NRG3: variants seen among roughly 807,000 people sequenced by gnomAD.
The protein encoded by NRG3 is neuregulin 3.
In NRG3, 31 loss-of-function variants were observed where a neutral mutation model predicts 66.9. The observed-to-expected ratio is 0.46, with a 90% CI of 0.35 to 0.63. The LOEUF (loss-of-function observed/expected upper bound fraction) is 0.63. NRG3 is among the 20% of genes least tolerant of loss of function. NRG3 has a pLI of 0.00. For missense variants in NRG3, 910 were observed against 878.9 expected (o/e 1.04, Z -0.45); for synonymous variants, 393 against 359.4 (o/e 1.09, Z -1.06).
At chr10:82,685,144 C>A (rs1024612044) in intron 2 of NRG3, among the ~76,000 whole-genome samples, 15 of 152,124 alleles carry the variant, frequency 9.9e-5, no homozygotes, top group South Asian at 2.1e-4. Flanking sequence ...GAGGCCCCCC[C>A]CAAAACTTAA....
intron 2 of NRG3, among the ~76,000 whole-genome samples, chr10:82,555,803 C>T (rs1578211): frequency 0.13 from 19,642 of 152,208 alleles, 1,424 homozygotes; most frequent in Admixed American, 0.21. Flanking sequence ...ATTTTATAAA[C>T]GTAGTTTAGA....
chr10:82,911,384 C>T (rs922936644), intron 4 of NRG3, among the ~76,000 whole-genome samples: 1 of 152,004 alleles, frequency 6.6e-6, no homozygotes, highest in Admixed American at 6.6e-5. Context: ...CCCCAGGTAA[C>T]ATAGATTCTT....
At chr10:81,878,502 G>T (rs1841887332) in intron 1 of NRG3, among the ~76,000 whole-genome samples, 1 of 152,118 alleles carries the variant, frequency 6.6e-6, no homozygotes, top group South Asian at 2.1e-4. Flanking sequence ...CAAGATTGCA[G>T]GATGATTAAC....
intron 1 of NRG3, among the ~76,000 whole-genome samples, chr10:81,916,301 A>G (rs1270995743): frequency 1.3e-5 from 2 of 152,134 alleles, no homozygotes; most frequent in Non-Finnish European, 2.9e-5. Flanking sequence ...GGCATCTAAT[A>G]TTTGCAGTTT....
chr10:81,968,274 C>T (rs757136100), intron 1 of NRG3, among the ~76,000 whole-genome samples: 4 of 152,158 alleles, frequency 2.6e-5, no homozygotes, highest in Non-Finnish European at 5.9e-5. Flanking sequence ...GGATGACCAT[C>T]CTCTTTAGAC....
At chr10:82,882,764 C>A (rs1389057659) in intron 4 of NRG3, among the ~76,000 whole-genome samples, 1 of 152,090 alleles carries the variant, frequency 6.6e-6, no homozygotes, top group Non-Finnish European at 1.5e-5. Flanking sequence ...TTGTGTAGGA[C>A]TTCCATATGC....
At chr10:82,343,606 C>T (rs1479208287) in intron 1 of NRG3, among the ~76,000 whole-genome samples, 1 of 152,116 alleles carries the variant, frequency 6.6e-6, no homozygotes. Context: ...ACAACCAGAA[C>T]AAAGCTGGAG....
intron 7 of NRG3, among the ~76,000 whole-genome samples, chr10:82,978,685 A>G (rs778824441): frequency 1.7e-4 from 26 of 152,174 alleles, no homozygotes; most frequent in Non-Finnish European, 2.6e-4. Context: ...GAAAGTTGCA[A>G]TGATTTTCAT....
At chr10:82,638,061 A>T (rs759514962) in intron 2 of NRG3, among the ~76,000 whole-genome samples, 13 of 152,172 alleles carry the variant, frequency 8.5e-5, no homozygotes, top group Non-Finnish European at 1.8e-4. Flanking sequence ...GTAAGTTTAG[A>T]GTTAGTGACT....
intron 4 of NRG3, among the ~76,000 whole-genome samples, chr10:82,910,326 C>A (rs1845201832): frequency 6.6e-6 from 1 of 152,102 alleles, no homozygotes; most frequent in African/African-American, 2.4e-5. Flanking sequence ...GGTGTTATTG[C>A]CCCAGAAAGA....
intron 1 of NRG3, among the ~76,000 whole-genome samples, chr10:81,991,239 CATT>C (rs2060727265): frequency 1.3e-5 from 2 of 152,040 alleles, no homozygotes; most frequent in South Asian, 2.1e-4. Flanking sequence ...CAAATGGATG[CATT>C]ATTATATTTT....
chr10:81,929,498 T>C (rs2132967118), intron 1 of NRG3, among the ~76,000 whole-genome samples: 1 of 152,340 alleles, frequency 6.6e-6, no homozygotes, highest in Admixed American at 6.5e-5. Context: ...AGCTGGGCTA[T>C]GGAGCCCAGG....
At chr10:82,342,420 C>G (rs2082730596) in intron 1 of NRG3, among the ~76,000 whole-genome samples, 1 of 152,014 alleles carries the variant, frequency 6.6e-6, no homozygotes, top group South Asian at 2.1e-4. Flanking sequence ...TCCACATCCT[C>G]ACAATATCTG....
intron 1 of NRG3, among the ~76,000 whole-genome samples, chr10:81,979,435 A>G (rs1396944134): frequency 6.6e-6 from 1 of 152,202 alleles, no homozygotes; most frequent in Non-Finnish European, 1.5e-5. Flanking sequence ...GAACTGTTTC[A>G]AATGAAGAGA....
chr10:82,091,141 G>A (rs565833375), intron 1 of NRG3, among the ~76,000 whole-genome samples: 16 of 151,420 alleles, frequency 1.1e-4, no homozygotes, highest in Non-Finnish European at 2.2e-4. Flanking sequence ...TTTAAAAATT[G>A]TGATAAGATA....
At chr10:82,464,158 G>A (rs1055670243) in intron 2 of NRG3, among the ~76,000 whole-genome samples, 19 of 152,098 alleles carry the variant, frequency 1.2e-4, no homozygotes, top group African/African-American at 4.1e-4. Flanking sequence ...TTGAAGGTCA[G>A]CTAGCTTTTA....
chr10:82,248,696 T>G (rs1266660581), intron 1 of NRG3, among the ~76,000 whole-genome samples: 1 of 152,224 alleles, frequency 6.6e-6, no homozygotes, highest in Non-Finnish European at 1.5e-5. Context: ...GTTTTAATAT[T>G]AGTTATGATC....
At chr10:82,696,123 A>C (rs1432756842) in intron 2 of NRG3, among the ~76,000 whole-genome samples, 1 of 152,184 alleles carries the variant, frequency 6.6e-6, no homozygotes, top group Non-Finnish European at 1.5e-5. Flanking sequence ...TATAAAACAC[A>C]CACTGACTTT....
At chr10:82,415,186 G>A (rs1208526511) in intron 2 of NRG3, among the ~76,000 whole-genome samples, 1 of 152,098 alleles carries the variant, frequency 6.6e-6, no homozygotes, top group Non-Finnish European at 1.5e-5. Flanking sequence ...AAAATGCTCA[G>A]TGAAGTCTTA....
Sources: gnomAD v4.1 joint callset for allele counts (sites outside exome capture counted in the v4.1 genomes callset) on GRCh38, gnomAD v4.1.1 for gene constraint, MANE v1.5 for transcripts, NCBI Gene and HGNC (gene_info 2026-07-23, HGNC 2026-07-21) for gene names.